Variants in ATG14 observed in about 807,000 individuals in gnomAD.
ATG14 encodes autophagy related 14, also known as beclin 1-associated autophagy-related key regulator.
A neutral mutation model predicts 60.4 loss-of-function variants in ATG14; 35 were observed. That is an observed-to-expected ratio of 0.58 (90% confidence interval 0.44 to 0.77). ATG14 has a LOEUF of 0.77. ATG14 is among the 30% of genes least tolerant of loss of function. ATG14 has a pLI of 0.00. For missense variants in ATG14, 647 were observed against 626.3 expected, an observed-to-expected ratio of 1.03 and a Z score of -0.35; for synonymous variants, 234 against 228.8, an observed-to-expected ratio of 1.02 and a Z score of -0.21.
Position 55,411,797 on chromosome 14 carries a change from G to A in ATG14, c.26C>T (p.Ala9Val), listed in dbSNP as rs1171406935. The A allele has an allele frequency of 1.9e-6, 3 of 1,599,092 alleles. No homozygotes were observed. Among genetic ancestry groups the A allele is most frequent in the Non-Finnish European group, 2.6e-6 (3 of 1,173,502 alleles). MASPSGKGARALEAPGCGP... is the reference protein window; with the variant it reads MASPSGKGVRALEAPGCGP... ...GCAGCCAGGAGCCTCCAGCGCCCGG[G>A]CTCCCTTCCCACTGGGAGACGCCAT... is the stretch of plus-strand genomic sequence containing the variant. Residue 9 changes from alanine to valine, a missense_variant, in exon 1 of 10, where the codon GCC (alanine) becomes GTC (valine). Ala to Val is a moderately conservative substitution (Grantham distance 64). Transcript: ENST00000247178.
intron 1 of ATG14, among the ~76,000 whole-genome samples, chr14:55,409,588 T>C (rs1438997179): frequency 6.6e-6 from 1 of 150,554 alleles, no homozygotes; most frequent in Non-Finnish European, 1.5e-5. Flanking sequence ...GAGGCAGCCC[T>C]GAAGATTTCT....
At chr14:55,374,012 G>C (rs1347693112) in intron 9 of ATG14, among the ~76,000 whole-genome samples, 2 of 152,102 alleles carry the variant, frequency 1.3e-5, no homozygotes, top group Non-Finnish European at 2.9e-5. Context: ...AATTGTGTGT[G>C]CAATTCTCAA....
chr14:55,375,245 C>T (rs940538766), intron 9 of ATG14, among the ~76,000 whole-genome samples: 1 of 152,162 alleles, frequency 6.6e-6, no homozygotes, highest in Non-Finnish European at 1.5e-5. Flanking sequence ...GTTTTTGCTG[C>T]TACAGTAAAA....
intron 1 of ATG14, among the ~76,000 whole-genome samples, chr14:55,404,985 A>C (rs1885466625): frequency 6.6e-6 from 1 of 152,222 alleles, no homozygotes; most frequent in South Asian, 2.1e-4. Flanking sequence ...AAAAGGTATA[A>C]TCATAAGAGT....
At chr14:55,410,128 T>C (rs763496485) in intron 1 of ATG14, among the ~76,000 whole-genome samples, 19 of 152,154 alleles carry the variant, frequency 1.2e-4, no homozygotes, top group Non-Finnish European at 2.5e-4. Flanking sequence ...ATTTACTGGG[T>C]TGGGATGAGC....
At chr14:55,376,193 G>A (rs140461500) in intron 9 of ATG14, among the ~76,000 whole-genome samples, 252 of 152,320 alleles carry the variant, frequency 1.7e-3, no homozygotes, top group African/African-American at 5.8e-3. Context: ...ACCATACTAA[G>A]CGTCAGTTTC....
rs760745927 is a variant in ATG14, at chr14:55,367,047, CAACA to C, written c.*2568_*2571del. 2.0e-5 allele frequency: 3 copies of C among 152,634 alleles called. No individual in the cohort carries two copies. The highest frequency in any genetic ancestry group is 4.4e-5 in the Non-Finnish European group (3 of 68,030). The allele number at this position is 152,634 out of a possible 1,614,324, so 9.5% of individuals were successfully genotyped here. A position where few individuals can be genotyped will look rare whatever the true frequency, so the allele number is the denominator to read the frequency against. On this transcript the variant is annotated 3_prime_UTR_variant, in exon 10 of 10. Transcript: ENST00000247178. Reference sequence around the variant, plus strand: ...AAGTGCCTCTAGTTGATATTAACAACAACAAACAAAATATATCCTATCCATAAAG... The same window carrying C: ...AAGTGCCTCTAGTTGATATTAACAACAACAAAATATATCCTATCCATAAAG...
chr14:55,370,647 T>C (rs529330662), intron 9 of ATG14, among the ~76,000 whole-genome samples: 1 of 149,360 alleles, frequency 6.7e-6, no homozygotes, highest in African/African-American at 2.5e-5. Context: ...CTGCATTTCT[T>C]TTTTTTTTTA....
intron 9 of ATG14, among the ~76,000 whole-genome samples, chr14:55,372,301 C>T (rs7149391): frequency 0.022 from 2,958 of 137,450 alleles, 77 homozygotes; most frequent in African/African-American, 0.07. Context: ...ACTTTCCCAT[C>T]TGCCTCCTCT....
rs71131262 is a variant in ATG14 at position 55,402,926 on chromosome 14, AATATATATATATATATAT to A, written c.222-5510_222-5493del. On this transcript the variant is annotated intron_variant, in intron 1 of 9. Coordinates refer to ENST00000247178, the MANE Select transcript of ATG14 (RefSeq NM_014924.5). ...AAAAAAAAAAAAAAAAAAAAAAAAA[AATATATATATATATATAT>A]ATATATATATATATATATATATATA... Among the ~76,000 whole-genome samples the A allele has an allele frequency of 8.5e-3, 140 of 16,384 alleles. 3 individuals carry two copies. The highest frequency in any genetic ancestry group is 0.027 in the African/African-American group (106 of 3,896). The allele number at this position is 16,384 out of a possible 152,430, so 10.7% of individuals were successfully genotyped here.
At chr14:55,408,817 G>C (rs542412351) in intron 1 of ATG14, among the ~76,000 whole-genome samples, 5 of 152,266 alleles carry the variant, frequency 3.3e-5, no homozygotes, top group African/African-American at 1.2e-4. Flanking sequence ...GTAGAGCTTG[G>C]AATCAATTCA....
At chr14:55,387,479 G>T (rs1275378770) in intron 4 of ATG14, among the ~76,000 whole-genome samples, 2 of 152,046 alleles carry the variant, frequency 1.3e-5, no homozygotes, top group African/African-American at 4.8e-5. Flanking sequence ...GAACCCTATG[G>T]TAATGTGTTC....
At chr14:55,392,927 T>A in intron 3 of ATG14, among the ~76,000 whole-genome samples, 1 of 152,128 alleles carries the variant, frequency 6.6e-6, no homozygotes, top group African/African-American at 2.4e-5. Context: ...TATCCTCAAT[T>A]TTAAAAGGTA....
intron 3 of ATG14, among the ~76,000 whole-genome samples, chr14:55,394,562 G>A (rs184397098): frequency 2.0e-5 from 3 of 152,206 alleles, no homozygotes; most frequent in South Asian, 2.1e-4. Context: ...TGAATAGCAT[G>A]TACACTACAG....
intron 9 of ATG14, among the ~76,000 whole-genome samples, chr14:55,375,959 A>T (rs1254253565): frequency 6.6e-6 from 1 of 152,242 alleles, no homozygotes; most frequent in Non-Finnish European, 1.5e-5. Flanking sequence ...ACTTGCTAGT[A>T]ATTTTCCCCC....
intron 9 of ATG14, among the ~76,000 whole-genome samples, chr14:55,375,220 G>A (rs1332142317): frequency 6.6e-6 from 1 of 152,198 alleles, no homozygotes; most frequent in Non-Finnish European, 1.5e-5. Flanking sequence ...TAAGATCACT[G>A]CTATGGAATT....
At chr14:55,385,800 C>G in intron 5 of ATG14, 59 bp downstream of exon 5, 1 of 1,390,680 alleles carries the variant, frequency 7.2e-7, no homozygotes, top group Non-Finnish European at 9.9e-7. Flanking sequence ...TAATGACATA[C>G]TTTAAAAAGT....
intron 6 of ATG14, 55 bp downstream of exon 6, chr14:55,381,907 A>T (rs1199624340): frequency 6.7e-7 from 1 of 1,490,794 alleles, no homozygotes; most frequent in African/African-American, 1.4e-5. Context: ...TGTTATGTCA[A>T]TTTTACCTAT....
intron 5 of ATG14, among the ~76,000 whole-genome samples, chr14:55,384,814 T>C (rs563082226): frequency 2.2e-4 from 34 of 152,326 alleles, no homozygotes; most frequent in Non-Finnish European, 3.5e-4. Flanking sequence ...TGGTGGCTTG[T>C]GGGAATAAAC....
Sources: gnomAD v4.1 joint callset for allele counts (sites outside exome capture counted in the v4.1 genomes callset) on GRCh38, gnomAD v4.1.1 for gene constraint, MANE v1.5 for transcripts, NCBI Gene and HGNC (gene_info 2026-07-23, HGNC 2026-07-21) for gene names.